LAMA2: variants seen among roughly 807,000 people sequenced by gnomAD.
The protein encoded by LAMA2 is laminin subunit alpha-2.
A neutral mutation model predicts 364.8 loss-of-function variants in LAMA2; 269 were observed. That is an observed-to-expected ratio of 0.74 (90% CI 0.67 to 0.82). The LOEUF is 0.82. Among genes scored for constraint, LAMA2 ranks in the 40% least tolerant of loss-of-function variants. The pLI is 0.00. For missense variants in LAMA2, 3,807 were observed against 3,873.2 expected, an observed-to-expected ratio of 0.98 and a Z score of 0.45; for synonymous variants, 1,379 against 1,370.6, an observed-to-expected ratio of 1.01 and a Z score of -0.14.
chr6:129,380,854 T>G (rs745378263), intron 34 of LAMA2, among the ~76,000 whole-genome samples: 3 of 152,160 alleles, frequency 2.0e-5, no homozygotes, highest in Non-Finnish European at 4.4e-5. Context: ...TAATCAATAC[T>G]AAGAATAAAA....
chr6:129,222,393 G>T (rs1337503111), intron 12 of LAMA2, among the ~76,000 whole-genome samples: 1 of 151,664 alleles, frequency 6.6e-6, no homozygotes, highest in Non-Finnish European at 1.5e-5. Flanking sequence ...TGCACAATGT[G>T]CAGGTTTGTT....
chr6:128,958,856 G>T (rs1781307357), intron 1 of LAMA2, among the ~76,000 whole-genome samples: 1 of 151,920 alleles, frequency 6.6e-6, no homozygotes, highest in African/African-American at 2.4e-5. Context: ...TTTACCCCCG[G>T]ATTTAAAAAT....
intron 3 of LAMA2, among the ~76,000 whole-genome samples, chr6:129,096,671 G>T (rs956246322): frequency 3.3e-5 from 5 of 152,330 alleles, no homozygotes; most frequent in Non-Finnish European, 7.3e-5. Flanking sequence ...GGTCTCAGGG[G>T]AGAGGAGGCA....
intron 14 of LAMA2, among the ~76,000 whole-genome samples, chr6:129,252,801 G>A (rs533159432): frequency 6.6e-6 from 1 of 152,226 alleles, no homozygotes; most frequent in South Asian, 2.1e-4. Context: ...ACAGCCATAT[G>A]GTATAAAGGA....
At chr6:129,120,024 G>T (rs941330924) in intron 4 of LAMA2, among the ~76,000 whole-genome samples, 1 of 152,094 alleles carries the variant, frequency 6.6e-6, no homozygotes, top group Non-Finnish European at 1.5e-5. Flanking sequence ...TTTCTAGCAC[G>T]TGTATACTAA....
chr6:129,358,325 G>A (rs917742201), intron 32 of LAMA2, among the ~76,000 whole-genome samples: 1 of 152,000 alleles, frequency 6.6e-6, no homozygotes, highest in Non-Finnish European at 1.5e-5. Context: ...TCTGCTAGCT[G>A]ATTAAGGAGT....
intron 12 of LAMA2, among the ~76,000 whole-genome samples, chr6:129,219,326 A>T (rs1281925226): frequency 6.6e-6 from 1 of 152,140 alleles, no homozygotes; most frequent in Non-Finnish European, 1.5e-5. Flanking sequence ...GTCAGGAAAC[A>T]ACAGATGCTG....
At chr6:129,027,585 G>T (rs1274747303) in intron 1 of LAMA2, among the ~76,000 whole-genome samples, 1 of 151,830 alleles carries the variant, frequency 6.6e-6, no homozygotes, top group East Asian at 1.9e-4. Context: ...CTTTTTAATG[G>T]TAACTTGTGT....
intron 30 of LAMA2, among the ~76,000 whole-genome samples, chr6:129,345,169 G>T (rs12660510): frequency 1.3e-5 from 2 of 152,198 alleles, no homozygotes; most frequent in East Asian, 3.9e-4. Flanking sequence ...CAATGTCCAG[G>T]TTTTGATTTT....
intron 9 of LAMA2, among the ~76,000 whole-genome samples, chr6:129,170,416 A>G (rs1780062782): frequency 7.3e-6 from 1 of 137,420 alleles, no homozygotes; most frequent in Non-Finnish European, 1.5e-5. Flanking sequence ...TCATTTCGTT[A>G]TGTACCCAGT....
rs1369466637 is a variant in LAMA2, at chr6:129,492,463, C to T, written c.8224C>T (p.Pro2742Ser). 4.3e-6 allele frequency: 7 copies of T among 1,613,982 alleles called. No individual in the cohort carries two copies. The highest frequency in any genetic ancestry group is 3.3e-5 in the South Asian group (3 of 91,084). The stretch of plus-strand genomic sequence containing the variant: ...AGTTCCCACCCCAGCCTTTCCTACG[C>T]CCACCCCAGTTCTGACACATGTAAG... ...EPVPTPAFPT[P>S]TPVLTHGPCA... is the part of the protein sequence containing the mutation. Residue 2742 changes from proline (P) to serine (S), a missense_variant, in exon 58 of 65, where the codon CCC becomes TCC. Pro to Ser is a moderately conservative substitution (Grantham distance 74). Coordinates refer to ENST00000421865, the MANE Select transcript of LAMA2 (RefSeq NM_000426.4).
intron 12 of LAMA2, among the ~76,000 whole-genome samples, chr6:129,207,410 A>T (rs1387601935): frequency 6.6e-6 from 1 of 152,156 alleles, no homozygotes; most frequent in Non-Finnish European, 1.5e-5. Flanking sequence ...GTTTTATAGT[A>T]AAGATGCTTG....
chr6:129,308,271 G>A (rs1374270034), intron 22 of LAMA2, among the ~76,000 whole-genome samples: 1 of 138,948 alleles, frequency 7.2e-6, no homozygotes, highest in Non-Finnish European at 1.6e-5. Flanking sequence ...TGCTATAAGT[G>A]TCTATGACTG....
At chr6:129,037,008 C>G (rs1351195698) in intron 1 of LAMA2, among the ~76,000 whole-genome samples, 1 of 152,158 alleles carries the variant, frequency 6.6e-6, no homozygotes, top group Non-Finnish European at 1.5e-5. Context: ...TTGTTTTATA[C>G]CAATATGCTC....
intron 41 of LAMA2, among the ~76,000 whole-genome samples, chr6:129,429,699 C>T (rs1216002558): frequency 2.0e-5 from 3 of 152,126 alleles, no homozygotes; most frequent in African/African-American, 2.4e-5. Context: ...CGTGACTTTG[C>T]GGTCACTCCT....
chr6:129,486,650 T>C, intron 56 of LAMA2, 28 bp downstream of exon 56: 2 of 1,605,994 alleles, frequency 1.2e-6, no homozygotes, highest in Middle Eastern at 1.7e-4. Flanking sequence ...ATATTTATTA[T>C]TGTAACTCAG....
In LAMA2 at chr6:129,453,044, C is replaced by G. The variant is rs2114788637; in HGVS notation, c.6486C>G (p.Ile2162Met). The part of the protein sequence containing the change: ...GDCIRTYKPE[I>M]KKGSYNNIVV... ...GCATTCGAACATACAAACCAGAAAT[C>G]AAGAAAGGAAGTTACAATAATATTG... Residue 2162 changes from isoleucine (I) to methionine (M), a missense_variant, in exon 46 of 65, where the codon ATC becomes ATG. Physicochemically the swap from Ile to Met is conservative, Grantham distance 10. Transcript: ENST00000421865. The G allele has an allele frequency of 6.2e-7, 1 of 1,612,552 alleles. No homozygotes were observed.
rs1780266349 is a variant in LAMA2, at chr6:129,172,636, G to A, written c.1307-5070G>A. 2.0e-5 allele frequency among the ~76,000 whole-genome samples: 3 copies of A among 152,320 alleles called. No homozygotes were observed. In the South Asian group the frequency reaches 6.2e-4, roughly 32 times the overall value. On this transcript the variant is annotated intron_variant, in intron 9 of 64. Coordinates refer to ENST00000421865, the MANE Select transcript of LAMA2 (RefSeq NM_000426.4). ...TACTGCTGTCTTTTTGTTTGTCTGTGCCCTGCCCCCAGAGGTGGAGCCTAC... is the reference window on the plus strand; with the variant it reads ...TACTGCTGTCTTTTTGTTTGTCTGTACCCTGCCCCCAGAGGTGGAGCCTAC...
intron 56 of LAMA2, among the ~76,000 whole-genome samples, chr6:129,487,970 T>G (rs1784677903): frequency 6.6e-6 from 1 of 152,208 alleles, no homozygotes; most frequent in South Asian, 2.1e-4. Context: ...TGTTAGGCCC[T>G]TTGACAAACT....
Sources: allele counts gnomAD v4.1 joint callset (sites outside exome capture counted in the v4.1 genomes callset), GRCh38; gene constraint gnomAD v4.1.1; transcripts MANE v1.5; gene names NCBI Gene and HGNC (gene_info 2026-07-23, HGNC 2026-07-21).